IQCH: variants seen among roughly 807,000 people sequenced by gnomAD.
IQCH encodes the protein IQ domain-containing protein H.
Under a neutral mutation model 117.0 loss-of-function variants are expected in IQCH, and 98 were observed. That is an observed-to-expected ratio of 0.84 (90% CI 0.71 to 0.99). The LOEUF (loss-of-function observed/expected upper bound fraction) is 0.99, where lower values mean the gene tolerates loss of function less well. Among genes scored for constraint, IQCH ranks in the 50% least tolerant of loss-of-function variants. IQCH has a pLI of 0.00. For synonymous variants in IQCH, 412 were observed against 448.2 expected (o/e 0.92, Z 1.02); for missense variants, 1,102 against 1,243.8 (o/e 0.89, Z 1.72).
intron 4 of IQCH, among the ~76,000 whole-genome samples, chr15:67,329,383 G>A (rs1461715429): frequency 1.3e-5 from 2 of 151,938 alleles, no homozygotes; most frequent in Non-Finnish European, 2.9e-5. Flanking sequence ...TTTATGGAGT[G>A]CATCTCCATA....
At chr15:67,255,016 C>A in intron 1 of IQCH, 69 bp downstream of exon 1, 1 of 1,470,220 alleles carries the variant, frequency 6.8e-7, no homozygotes, top group East Asian at 2.4e-5. Flanking sequence ...TCCCGCGCGC[C>A]GATTCACCGA....
chr15:67,343,857 G>A (rs1350766183), intron 5 of IQCH, among the ~76,000 whole-genome samples: 1 of 151,992 alleles, frequency 6.6e-6, no homozygotes, highest in Non-Finnish European at 1.5e-5. Flanking sequence ...ACTGCCATTG[G>A]AAATGACATT....
At chr15:67,382,317 C>CT (rs1360014712) in intron 10 of IQCH, among the ~76,000 whole-genome samples, 2 of 152,330 alleles carry the variant, frequency 1.3e-5, no homozygotes, top group African/African-American at 4.8e-5. Flanking sequence ...TTCTCTTCTG[C>CT]TTCCCTCTCC....
At chr15:67,270,463 C>T (rs1965852939) in intron 3 of IQCH, among the ~76,000 whole-genome samples, 1 of 152,156 alleles carries the variant, frequency 6.6e-6, no homozygotes, top group Admixed American at 6.5e-5. Flanking sequence ...TCCACCAAGT[C>T]CCATGTTGAA....
intron 16 of IQCH, among the ~76,000 whole-genome samples, chr15:67,428,870 G>GA (rs2081955236): frequency 6.6e-6 from 1 of 150,782 alleles, no homozygotes; most frequent in African/African-American, 2.4e-5. Flanking sequence ...AAAAGAGAGA[G>GA]AGAGAGGCAG....
chr15:67,442,725 C>A (rs951063201), intron 16 of IQCH, among the ~76,000 whole-genome samples: 3 of 152,006 alleles, frequency 2.0e-5, no homozygotes, highest in Admixed American at 6.6e-5. Context: ...GAGATACTTG[C>A]ACATGCATAT....
intron 6 of IQCH, among the ~76,000 whole-genome samples, chr15:67,351,945 CTG>C (rs1167583265): frequency 6.6e-6 from 1 of 152,000 alleles, no homozygotes; most frequent in Non-Finnish European, 1.5e-5. Context: ...TTAGCATTTA[CTG>C]TATTTACAGT....
intron 16 of IQCH, among the ~76,000 whole-genome samples, chr15:67,423,938 G>A (rs1367222402): frequency 6.6e-6 from 1 of 152,134 alleles, no homozygotes; most frequent in Admixed American, 6.6e-5. Flanking sequence ...CAATAGGAAG[G>A]ATGGAACTAT....
intron 20 of IQCH, among the ~76,000 whole-genome samples, chr15:67,497,954 A>G (rs1321961527): frequency 6.6e-6 from 1 of 152,238 alleles, no homozygotes; most frequent in Non-Finnish European, 1.5e-5. Flanking sequence ...TATAGATTCA[A>G]TGTAATTCTT....
intron 8 of IQCH, among the ~76,000 whole-genome samples, chr15:67,368,299 G>A (rs1261668600): frequency 1.3e-5 from 2 of 152,122 alleles, no homozygotes; most frequent in Non-Finnish European, 2.9e-5. Flanking sequence ...CTGAATTCCG[G>A]ACCGCTGATT....
intron 6 of IQCH, among the ~76,000 whole-genome samples, chr15:67,350,340 T>C (rs1458947684): frequency 2.0e-5 from 3 of 152,150 alleles, no homozygotes; most frequent in South Asian, 2.1e-4. Context: ...AGAAAACAGA[T>C]CAAGAGTTGC....
chr15:67,276,734 T>C (rs947310424), intron 3 of IQCH, among the ~76,000 whole-genome samples: 3 of 152,170 alleles, frequency 2.0e-5, no homozygotes, highest in Non-Finnish European at 2.9e-5. Flanking sequence ...TCTCCCTGGC[T>C]TCTTGCAAGA....
intron 6 of IQCH, among the ~76,000 whole-genome samples, chr15:67,348,458 T>C (rs908257465): frequency 2.6e-5 from 4 of 151,744 alleles, no homozygotes; most frequent in Non-Finnish European, 4.4e-5. Context: ...CAAAAATAAA[T>C]TGAATTTCAA....
rs1032529610 is a variant in IQCH at position 67,430,574 on chromosome 15, A to T, written c.2505+8997A>T. 6.6e-6 allele frequency among the ~76,000 whole-genome samples: 1 copy of T among 152,076 alleles called. No homozygotes were observed. The highest frequency in any genetic ancestry group is 1.5e-5 in the Non-Finnish European group (1 of 68,030). On this transcript the variant is annotated intron_variant, in intron 16 of 20. Coordinates refer to ENST00000335894, the MANE Select transcript of IQCH (RefSeq NM_001031715.3). The surrounding 1 kb of genome is among the most constrained non-coding windows in gnomAD (Gnocchi z 5.1). ...CCTTTAGAAAATGTACTAGGCCTTGAATTTTTTTTACCTCTTCATAATGTC... is the reference window on the plus strand; with the variant it reads ...CCTTTAGAAAATGTACTAGGCCTTGTATTTTTTTTACCTCTTCATAATGTC...
rs773721748 is a variant in IQCH, at chr15:67,465,559, C to A, written c.2676+262C>A. Among the ~76,000 whole-genome samples, 8 of 152,126 alleles carry A rather than the reference C, an allele frequency of 5.3e-5. No homozygotes were observed. The highest frequency in any genetic ancestry group is 1.0e-4 in the Non-Finnish European group (7 of 68,022). On this transcript the variant is annotated intron_variant, in intron 17 of 20. Transcript: ENST00000335894. This position sits in a 1 kb window ranked among gnomAD's most constrained non-coding sequence, Gnocchi z 5.9. ...CTCCCCTTTTTCTAGGCAGGTACAC[C>A]TACACCCATTGCCTCAACTACAAGC... is the stretch of plus-strand genomic sequence containing the variant.
chr15:67,306,907 A>G, intron 4 of IQCH: 3 of 1,485,304 alleles, frequency 2.0e-6, no homozygotes, highest in Admixed American at 2.3e-5. Flanking sequence ...TTCCAGTTAG[A>G]CTTTATAATA....
chr15:67,281,107 G>A (rs1966337652), intron 4 of IQCH, among the ~76,000 whole-genome samples: 1 of 152,144 alleles, frequency 6.6e-6, no homozygotes, highest in African/African-American at 2.4e-5. Context: ...GCCTCCCAAA[G>A]TGCTGGGATT....
Position 67,443,439 on chromosome 15 carries a change from G to C in IQCH, c.2506-21688G>C, listed in dbSNP as rs188230109. The stretch of plus-strand genomic sequence containing the variant: ...GGGGACTTGGGGGAAAGAGTGGGAG[G>C]GGGTGAGGGACAAAAGACCACAAAT... On this transcript the variant is annotated intron_variant, in intron 16 of 20. Transcript: ENST00000335894. This position sits in a 1 kb window ranked among gnomAD's most constrained non-coding sequence, Gnocchi z 5.0. Among the ~76,000 whole-genome samples, 86 of 151,934 alleles carry C rather than the reference G, an allele frequency of 5.7e-4. 6 individuals carry two copies. The East Asian group carries it at 5.8e-3, about 10-fold the overall frequency.
rs564387910 is a variant in IQCH, at chr15:67,476,698, T to C, written c.2799+880T>C. Among the ~76,000 whole-genome samples the C allele has an allele frequency of 6.6e-6, 1 of 152,316 alleles. No individual in the cohort carries two copies. The highest frequency in any genetic ancestry group is 2.1e-4 in the South Asian group (1 of 4,816). On this transcript the variant is annotated intron_variant, in intron 18 of 20. Transcript: ENST00000335894. This position sits in a 1 kb window ranked among gnomAD's most constrained non-coding sequence, Gnocchi z 4.1. Reference sequence around the variant, plus strand: ...TGCCAAAAATAGAACCTCTGTTTTATGCCTAGAGACTCATGTTACTCCAGA... The same window carrying C: ...TGCCAAAAATAGAACCTCTGTTTTACGCCTAGAGACTCATGTTACTCCAGA...
Sources: gnomAD v4.1 joint callset for allele counts (sites outside exome capture counted in the v4.1 genomes callset) on GRCh38, gnomAD v4.1.1 for gene constraint, Gnocchi (gnomAD v3.1) non-coding constraint, MANE v1.5 for transcripts, NCBI Gene and HGNC (gene_info 2026-07-23, HGNC 2026-07-21) for gene names.